EPHA6: variants seen among roughly 807,000 people sequenced by gnomAD.
EPHA6 encodes ephrin type-A receptor 6.
In EPHA6, 50 loss-of-function variants were observed where a neutral mutation model predicts 112.0. That is an observed-to-expected ratio of 0.45 (90% CI 0.36 to 0.56). The LOEUF is 0.56. Ranked by LOEUF, EPHA6 falls within the 20% of genes least tolerant of loss-of-function variation. EPHA6 has a pLI of 0.00. For missense variants in EPHA6, 1,280 were observed against 1,417.4 expected (o/e 0.90, Z 1.56); for synonymous variants, 529 against 490.7 (o/e 1.08, Z -1.03).
intron 9 of EPHA6, among the ~76,000 whole-genome samples, chr3:97,483,726 C>T (rs541271188): frequency 4.6e-5 from 7 of 152,052 alleles, no homozygotes; most frequent in African/African-American, 7.2e-5. Flanking sequence ...TCTAGAAATC[C>T]ACCAGGTCAT....
At chr3:97,177,168 A>G (rs565565233) in intron 3 of EPHA6, among the ~76,000 whole-genome samples, 1 of 151,972 alleles carries the variant, frequency 6.6e-6, no homozygotes, top group Admixed American at 6.6e-5. Flanking sequence ...TTTAATTTTC[A>G]TGTATTTGTG....
At chr3:97,415,320 C>T (rs1559976530) in intron 6 of EPHA6, among the ~76,000 whole-genome samples, 1 of 152,008 alleles carries the variant, frequency 6.6e-6, no homozygotes, top group African/African-American at 2.4e-5. Flanking sequence ...TGAGCGTCCT[C>T]TTATAATCAT....
intron 2 of EPHA6, among the ~76,000 whole-genome samples, chr3:96,875,334 G>C (rs887991624): frequency 6.6e-6 from 1 of 152,042 alleles, no homozygotes; most frequent in Non-Finnish European, 1.5e-5. Flanking sequence ...AATATGCATA[G>C]TTTATTATAG....
intron 3 of EPHA6, among the ~76,000 whole-genome samples, chr3:97,054,472 T>G (rs1333380332): frequency 6.6e-6 from 1 of 152,024 alleles, no homozygotes; most frequent in African/African-American, 2.4e-5. Context: ...CTACTCCCAT[T>G]TATTTTCCTC....
At chr3:97,467,567 T>C (rs2091096237) in intron 7 of EPHA6, among the ~76,000 whole-genome samples, 1 of 151,858 alleles carries the variant, frequency 6.6e-6, no homozygotes, top group Admixed American at 6.6e-5. Context: ...TCCAGGGATG[T>C]TGTGAAATTT....
At chr3:97,200,844 T>C (rs1380059887) in intron 3 of EPHA6, among the ~76,000 whole-genome samples, 1 of 152,236 alleles carries the variant, frequency 6.6e-6, no homozygotes, top group Admixed American at 6.5e-5. Flanking sequence ...ACAAGGCCAA[T>C]GTGGACATAG....
intron 2 of EPHA6, among the ~76,000 whole-genome samples, chr3:96,867,413 G>A (rs753762155): frequency 7.9e-5 from 12 of 151,708 alleles, no homozygotes; most frequent in Non-Finnish European, 1.6e-4. Context: ...TTAAGGATGT[G>A]TAATTTGCAA....
chr3:97,252,209 C>G (rs75659720), intron 5 of EPHA6, among the ~76,000 whole-genome samples: 11,531 of 152,030 alleles, frequency 0.076, 973 homozygotes, highest in Admixed American at 0.21. Context: ...CCAGAGAGCA[C>G]TCCCTCTGTA....
intron 3 of EPHA6, among the ~76,000 whole-genome samples, chr3:97,099,716 T>C (rs904551311): frequency 2.6e-5 from 4 of 151,906 alleles, no homozygotes; most frequent in African/African-American, 9.7e-5. Context: ...TCTCCATCTT[T>C]CTTCTCACAC....
intron 2 of EPHA6, among the ~76,000 whole-genome samples, chr3:96,907,777 G>T (rs2039011953): frequency 6.6e-6 from 1 of 151,728 alleles, no homozygotes; most frequent in South Asian, 2.1e-4. Context: ...CATACCTTGA[G>T]TTATACAACC....
At position 97,475,361 on chromosome 3, in the gene EPHA6, T is replaced by C. The variant is rs201549272; in HGVS notation, c.1904T>C (p.Met635Thr). Residue 635 changes from methionine to threonine, a missense_variant, in exon 8 of 18, where the codon ATG becomes ACG. Physicochemically the swap from Met to Thr is moderately conservative, Grantham distance 81. This residue lies in a region of EPHA6 where 878 missense variants were observed against 999.7 expected (regional missense o/e 0.88). Coordinates refer to ENST00000389672, the MANE Select transcript of EPHA6 (RefSeq NM_001080448.3). ...TGTATCTCTGTTTCAGCTTCTGACA[T>C]GGCAGCAGAACAAGGACAGATTCTC... Reference protein sequence around the residue: ...EFETGDETSDMAAEQGQILVI... With the variant: ...EFETGDETSDTAAEQGQILVI... 5.0e-6 allele frequency: 8 copies of C among 1,609,406 alleles called. No homozygotes were observed. Among genetic ancestry groups the C allele is most frequent in the Non-Finnish European group, 6.8e-6 (8 of 1,177,606 alleles).
chr3:97,490,103 T>C (rs1224431152), intron 10 of EPHA6, among the ~76,000 whole-genome samples: 1 of 151,990 alleles, frequency 6.6e-6, no homozygotes, highest in Non-Finnish European at 1.5e-5. Context: ...ATTCTTAAAC[T>C]AATTTAAAAA....
chr3:97,136,686 T>C (rs745390828), intron 3 of EPHA6, among the ~76,000 whole-genome samples: 9 of 152,144 alleles, frequency 5.9e-5, no homozygotes, highest in African/African-American at 9.7e-5. Flanking sequence ...CCATGATTAC[T>C]GTCGACAGAA....
intron 5 of EPHA6, among the ~76,000 whole-genome samples, chr3:97,382,353 G>A (rs1053843176): frequency 6.6e-6 from 1 of 152,032 alleles, no homozygotes; most frequent in Non-Finnish European, 1.5e-5. Flanking sequence ...GTAACTTGGT[G>A]TTTAGATGCC....
intron 3 of EPHA6, among the ~76,000 whole-genome samples, chr3:97,196,065 C>T (rs2077432845): frequency 6.6e-6 from 1 of 151,462 alleles, no homozygotes; most frequent in African/African-American, 2.4e-5. Context: ...TTTAAATAAA[C>T]TTTCTACCCA....
chr3:97,604,560 A>G (rs192549938), intron 12 of EPHA6, among the ~76,000 whole-genome samples: 4 of 151,874 alleles, frequency 2.6e-5, no homozygotes, highest in Admixed American at 2.0e-4. Context: ...GCAGATACCT[A>G]TGCACAAAAG....
chr3:97,172,940 A>C (rs575046138), intron 3 of EPHA6, among the ~76,000 whole-genome samples: 1 of 152,096 alleles, frequency 6.6e-6, no homozygotes, highest in Non-Finnish European at 1.5e-5. Context: ...GGGGTTACTG[A>C]TGATCTGAAA....
At chr3:97,248,881 A>G (rs2079055770) in intron 5 of EPHA6, among the ~76,000 whole-genome samples, 2 of 152,128 alleles carry the variant, frequency 1.3e-5, no homozygotes, top group Non-Finnish European at 2.9e-5. Context: ...CCAACCTTTT[A>G]CATGTTGCTG....
chr3:97,317,145 AG>A (rs1251431279), intron 5 of EPHA6, among the ~76,000 whole-genome samples: 1 of 151,770 alleles, frequency 6.6e-6, no homozygotes, highest in African/African-American at 2.4e-5. Flanking sequence ...AAAAAAAAAA[AG>A]AAAATGTGAT....
Sources: gnomAD v4.1 joint callset for allele counts (sites outside exome capture counted in the v4.1 genomes callset) on GRCh38, gnomAD v4.1.1 for gene constraint, gnomAD v4.1.1 regional missense constraint, MANE v1.5 for transcripts, NCBI Gene and HGNC (gene_info 2026-07-23, HGNC 2026-07-21) for gene names.